Variants in DMD observed in about 807,000 individuals in gnomAD.
DMD encodes the protein dystrophin.
A neutral mutation model predicts 330.1 loss-of-function variants in DMD; 63 were observed. The observed-to-expected ratio is 0.19, with a 90% CI of 0.16 to 0.24. DMD has a LOEUF of 0.24. DMD is among the 10% of genes least tolerant of loss of function. DMD has a pLI of 1.00. For missense variants in DMD, 3,344 were observed against 2,684.1 expected (o/e 1.25, Z -5.43); for synonymous variants, 1,223 against 959.8 (o/e 1.27, Z -5.07).
At chrX:32,800,235 T>C (rs1480633594) in intron 7 of DMD, among the ~76,000 whole-genome samples, 4 of 111,991 alleles carry the variant, frequency 3.6e-5, no homozygotes, top group African/African-American at 1.3e-4. Flanking sequence ...AATAAAAATA[T>C]GAACATCACA....
chrX:32,707,997 G>T (rs748033468), intron 7 of DMD, among the ~76,000 whole-genome samples: 5 of 111,874 alleles, frequency 4.5e-5, no homozygotes, highest in Admixed American at 9.6e-5. Flanking sequence ...TTCCTCTGCT[G>T]CTAGAAAAAG....
chrX:31,706,675 A>G (rs774541815), intron 52 of DMD, among the ~76,000 whole-genome samples: 1 of 112,008 alleles, frequency 8.9e-6, no homozygotes, highest in Non-Finnish European at 1.9e-5. Flanking sequence ...AAACGCATCT[A>G]TGTTAGTCAC....
chrX:31,878,750 TA>T (rs2094007214), intron 47 of DMD, among the ~76,000 whole-genome samples: 1 of 112,250 alleles, frequency 8.9e-6, no homozygotes, highest in Non-Finnish European at 1.9e-5. Context: ...CAAAGGATTT[TA>T]AAAGCATGAA....
chrX:32,545,843 T>A (rs1321978180), intron 16 of DMD, among the ~76,000 whole-genome samples: 1 of 111,238 alleles, frequency 9.0e-6, no homozygotes, highest in African/African-American at 3.3e-5. Flanking sequence ...TGAACGACTC[T>A]TTAATCAAAT....
At chrX:32,673,241 C>A (rs770989791) in intron 9 of DMD, among the ~76,000 whole-genome samples, 4 of 110,622 alleles carry the variant, frequency 3.6e-5, no homozygotes, top group South Asian at 3.8e-4. Context: ...TCCCCCACCC[C>A]AACTCAAAAT....
At chrX:31,422,950 T>C (rs1250049525) in intron 60 of DMD, among the ~76,000 whole-genome samples, 3 of 111,469 alleles carry the variant, frequency 2.7e-5, no homozygotes, top group Admixed American at 1.9e-4. Flanking sequence ...TATTGCTGCT[T>C]TGAATGACAC....
intron 43 of DMD, among the ~76,000 whole-genome samples, chrX:32,235,294 C>A (rs898929744): frequency 9.1e-6 from 1 of 110,341 alleles, no homozygotes; most frequent in East Asian, 2.9e-4. Context: ...GAGTAGTTCA[C>A]AATAGGGTTT....
chrX:32,859,693 CTTTTTCCTCCCTTTTCTTGTTCTT>C (rs1484464661), intron 2 of DMD, among the ~76,000 whole-genome samples: 3 of 111,255 alleles, frequency 2.7e-5, no homozygotes, highest in African/African-American at 9.8e-5. Flanking sequence ...TAGAAACTTG[CTTTTTCCTCCCTTTTCTTGTTCTT>C]TTGACTATTT....
chrX:31,422,154 T>C (rs1026456979), intron 60 of DMD, among the ~76,000 whole-genome samples: 1 of 106,563 alleles, frequency 9.4e-6, no homozygotes, highest in Non-Finnish European at 1.9e-5. Context: ...TATGGGTGCA[T>C]GCCACCACAC....
At chrX:33,029,771 T>A (rs940355106) in intron 1 of DMD, among the ~76,000 whole-genome samples, 1 of 112,200 alleles carries the variant, frequency 8.9e-6, no homozygotes, top group African/African-American at 3.2e-5. Context: ...AAGTAGGACA[T>A]AATGACAATG....
At chrX:32,077,404 A>G (rs190998362) in intron 44 of DMD, among the ~76,000 whole-genome samples, 1,502 of 111,887 alleles carry the variant, frequency 0.013, 15 homozygotes, top group Non-Finnish European at 0.021. Flanking sequence ...AGAAAATTTC[A>G]TAATAACTTA....
intron 54 of DMD, among the ~76,000 whole-genome samples, chrX:31,649,909 A>G (rs2080347318): frequency 9.0e-6 from 1 of 110,630 alleles, no homozygotes; most frequent in Non-Finnish European, 1.9e-5. Flanking sequence ...AGGGTATTCA[A>G]AATTGAGAGG....
intron 44 of DMD, among the ~76,000 whole-genome samples, chrX:32,168,774 T>C (rs1016340938): frequency 9.0e-6 from 1 of 111,590 alleles, no homozygotes; most frequent in Non-Finnish European, 1.9e-5. Flanking sequence ...TTTCCCTTGA[T>C]GTTTTCTCAT....
rs199622119 is a variant in DMD, at chrX:32,753,166, C to T, written c.650-53873G>A. Among the ~76,000 whole-genome samples, 463 of 111,380 alleles carry T rather than the reference C, an allele frequency of 4.2e-3. 2 individuals are homozygous for T. Among genetic ancestry groups the T allele is most frequent in the African/African-American group, 0.014 (442 of 30,596 alleles). ...CTAAATATCACTTCCTTCAAAAAGA[C>T]TTCATTTCTTATTCCTCCAGATACA... On this transcript the variant is annotated intron_variant, in intron 7 of 78. Coordinates refer to ENST00000357033, the MANE Select transcript of DMD (RefSeq NM_004006.3).
intron 55 of DMD, among the ~76,000 whole-genome samples, chrX:31,589,398 G>A (rs982587548): frequency 3.6e-5 from 4 of 111,184 alleles, no homozygotes; most frequent in Non-Finnish European, 5.7e-5. Flanking sequence ...TGACTTATTG[G>A]GGGTCCTATT....
chrX:32,685,566 A>G (rs765344241), intron 9 of DMD, among the ~76,000 whole-genome samples: 22 of 112,190 alleles, frequency 2.0e-4, no homozygotes, highest in African/African-American at 5.8e-4. Flanking sequence ...AATATTCACT[A>G]TAAGTAAGTT....
chrX:32,734,726 A>G (rs1212331464), intron 7 of DMD, among the ~76,000 whole-genome samples: 1 of 110,334 alleles, frequency 9.1e-6, no homozygotes, highest in Non-Finnish European at 1.9e-5. Context: ...CCTTCATGCT[A>G]AAAACTCTCA....
chrX:32,844,711 G>A, intron 4 of DMD, 72 bp downstream of exon 4: 1 of 915,853 alleles, frequency 1.1e-6, no homozygotes. Context: ...CTGCATTTGG[G>A]GCCAAAGCCC....
intron 54 of DMD, among the ~76,000 whole-genome samples, chrX:31,657,180 G>A (rs2080831597): frequency 9.0e-6 from 1 of 110,909 alleles, no homozygotes; most frequent in Non-Finnish European, 1.9e-5. Flanking sequence ...TATTGTACAG[G>A]TGCTATTTTT....
Sources: gnomAD v4.1 joint callset for allele counts (sites outside exome capture counted in the v4.1 genomes callset) on GRCh38, gnomAD v4.1.1 for gene constraint, MANE v1.5 for transcripts, NCBI Gene and HGNC (gene_info 2026-07-23, HGNC 2026-07-21) for gene names.